The following ARHGAP24 variants were observed in gnomAD, a reference collection of about 807,000 sequenced individuals.
ARHGAP24 encodes the protein rho GTPase-activating protein 24.
Under a neutral mutation model 76.4 loss-of-function variants are expected in ARHGAP24, and 50 were observed. The observed-to-expected ratio is 0.65, with a 90% confidence interval of 0.52 to 0.83. The LOEUF (loss-of-function observed/expected upper bound fraction) is 0.83, where lower values mean the gene tolerates loss of function less well. ARHGAP24 is among the 40% of genes least tolerant of loss of function. The probability of loss-of-function intolerance (pLI) is 0.00; values close to 1 mark genes in which losing one functional copy is unlikely to be tolerated. For missense variants in ARHGAP24, 930 were observed against 914.2 expected (o/e 1.02, Z -0.22); for synonymous variants, 345 against 323.3 (o/e 1.07, Z -0.72).
intron 9 of ARHGAP24, 56 bp downstream of exon 9, chr4:85,995,713 T>G (rs1371278897): frequency 6.6e-7 from 1 of 1,519,574 alleles, no homozygotes; most frequent in Non-Finnish European, 9.1e-7. Context: ...CCTCCTACTG[T>G]GGGACAGGAT....
At chr4:85,505,782 C>A (rs137944062) in intron 1 of ARHGAP24, among the ~76,000 whole-genome samples, 19 of 152,162 alleles carry the variant, frequency 1.2e-4, no homozygotes, top group African/African-American at 3.9e-4. Context: ...TGAGGAGCTG[C>A]GATCCTTTGA....
At chr4:85,842,479 C>A (rs1730654022) in intron 3 of ARHGAP24, among the ~76,000 whole-genome samples, 1 of 152,078 alleles carries the variant, frequency 6.6e-6, no homozygotes, top group Non-Finnish European at 1.5e-5. Flanking sequence ...GTTGTTATTA[C>A]AGGACAATAA....
At chr4:85,487,893 T>C (rs188095405) in intron 1 of ARHGAP24, among the ~76,000 whole-genome samples, 1,908 of 127,954 alleles carry the variant, frequency 0.015, 56 homozygotes, top group African/African-American at 0.055. Flanking sequence ...ATATAATAAA[T>C]ATATTTTATA....
chr4:85,575,458 A>C (rs1326009235), intron 2 of ARHGAP24, among the ~76,000 whole-genome samples: 2 of 152,196 alleles, frequency 1.3e-5, no homozygotes, highest in African/African-American at 4.8e-5. Context: ...AAAGTGTAAA[A>C]TCATTCTGTA....
chr4:85,669,825 T>A (rs191325183), intron 2 of ARHGAP24, among the ~76,000 whole-genome samples: 5 of 151,714 alleles, frequency 3.3e-5, no homozygotes, highest in Admixed American at 6.6e-5. Context: ...ATTTAGTGAA[T>A]CTACTATAAA....
intron 1 of ARHGAP24, among the ~76,000 whole-genome samples, chr4:85,514,238 A>T (rs182335750): frequency 6.6e-6 from 1 of 152,144 alleles, no homozygotes; most frequent in African/African-American, 2.4e-5. Context: ...CCCCAGCAGG[A>T]TGGTGTCCCA....
chr4:85,710,676 G>GAC (rs1268571669), intron 2 of ARHGAP24, among the ~76,000 whole-genome samples: 53 of 152,048 alleles, frequency 3.5e-4, no homozygotes, highest in Admixed American at 3.5e-3. Flanking sequence ...TTCAAAAGAA[G>GAC]ACACACATGC....
At chr4:85,882,858 A>G (rs1055384640) in intron 3 of ARHGAP24, among the ~76,000 whole-genome samples, 4 of 152,190 alleles carry the variant, frequency 2.6e-5, no homozygotes, top group Admixed American at 6.5e-5. Context: ...AGGACCTAAA[A>G]CAGAATTTGC....
chr4:85,962,695 C>T lies in ARHGAP24; in HGVS notation c.600-9341C>T, dbSNP rs1182861951. On this transcript the variant is annotated intron_variant, in intron 5 of 9. Transcript: ENST00000395184. The stretch of plus-strand genomic sequence containing the variant: ...TTTGTGAATTTAGGAAGTCATGTTC[C>T]ACAGAGTAGTCAGAGAAGGAGTTAA... 4.6e-5 allele frequency among the ~76,000 whole-genome samples: 7 copies of T among 151,458 alleles called. No individual in the cohort carries two copies. The East Asian group carries it at 1.2e-3, about 25-fold the overall frequency.
intron 3 of ARHGAP24, among the ~76,000 whole-genome samples, chr4:85,905,667 C>T (rs1734733561): frequency 6.6e-6 from 1 of 152,170 alleles, no homozygotes; most frequent in Non-Finnish European, 1.5e-5. Flanking sequence ...CCCTGAGCTT[C>T]TGTTGCACAT....
chr4:85,542,615 G>C lies in ARHGAP24; in HGVS notation c.-20-27907G>C, dbSNP rs145151545. On this transcript the variant is annotated intron_variant, in intron 1 of 9. Coordinates refer to ENST00000395184, the MANE Select transcript of ARHGAP24 (RefSeq NM_001025616.3). Reference sequence around the variant, plus strand: ...TCTCCCTTAGGGACAGTCATGCTTAGAGCTAACTATATATTCAATATTAAA... The same window carrying C: ...TCTCCCTTAGGGACAGTCATGCTTACAGCTAACTATATATTCAATATTAAA... 9.5e-3 allele frequency among the ~76,000 whole-genome samples: 1,451 copies of C among 152,252 alleles called. 12 individuals are homozygous for C. The highest frequency in any genetic ancestry group is 0.019 in the East Asian group (96 of 5,188).
intron 2 of ARHGAP24, among the ~76,000 whole-genome samples, chr4:85,721,313 T>C (rs2110042790): frequency 6.6e-6 from 1 of 151,710 alleles, no homozygotes; most frequent in Non-Finnish European, 1.5e-5. Flanking sequence ...GTGGAATTCT[T>C]GAACCCGGAA....
At chr4:85,962,650 C>G (rs72660145) in intron 5 of ARHGAP24, among the ~76,000 whole-genome samples, 1 of 151,762 alleles carries the variant, frequency 6.6e-6, no homozygotes, top group South Asian at 2.1e-4. Flanking sequence ...TTCTTGCATT[C>G]CTTAGTATTT....
intron 2 of ARHGAP24, among the ~76,000 whole-genome samples, chr4:85,690,394 G>A (rs11933255): frequency 0.014 from 2,080 of 152,204 alleles, 44 homozygotes; most frequent in African/African-American, 0.047. Flanking sequence ...GTACTAGTTC[G>A]TTCTTGTATG....
At chr4:85,494,457 C>A (rs1024544445) in intron 1 of ARHGAP24, among the ~76,000 whole-genome samples, 1 of 151,694 alleles carries the variant, frequency 6.6e-6, no homozygotes, top group African/African-American at 2.4e-5. Context: ...TTGGCCAAGG[C>A]GGGTGGAACA....
intron 3 of ARHGAP24, among the ~76,000 whole-genome samples, chr4:85,878,192 G>A (rs1733042254): frequency 6.6e-6 from 1 of 152,102 alleles, no homozygotes; most frequent in Non-Finnish European, 1.5e-5. Flanking sequence ...TAGATTAGTT[G>A]ATAGATGGTG....
intron 2 of ARHGAP24, among the ~76,000 whole-genome samples, chr4:85,683,464 TAACTC>T (rs1399367500): frequency 6.6e-6 from 1 of 152,246 alleles, no homozygotes; most frequent in African/African-American, 2.4e-5. Context: ...ATTTAACTCT[TAACTC>T]ACCTACTTAT....
intron 3 of ARHGAP24, among the ~76,000 whole-genome samples, chr4:85,894,976 AAAAAAAAAAAAACAAAACAAAAAGC>A (rs1383283055): frequency 1.8e-3 from 69 of 37,834 alleles, no homozygotes; most frequent in East Asian, 3.9e-3. Context: ...AAAAAAAAAA[AAAAAAAAAAAAACAAAACAAAAAGC>A]AAAAAAAAAA....
intron 1 of ARHGAP24, among the ~76,000 whole-genome samples, chr4:85,505,553 C>A (rs1206999318): frequency 6.6e-6 from 1 of 152,158 alleles, no homozygotes; most frequent in Non-Finnish European, 1.5e-5. Flanking sequence ...AGTTCTAATG[C>A]CATGGTTTTC....
Sources: allele counts gnomAD v4.1 joint callset (sites outside exome capture counted in the v4.1 genomes callset), GRCh38; gene constraint gnomAD v4.1.1; transcripts MANE v1.5; gene names NCBI Gene and HGNC (gene_info 2026-07-23, HGNC 2026-07-21).